Variants in TOMM70 observed in about 807,000 individuals in gnomAD.
TOMM70 encodes mitochondrial import receptor subunit TOM70.
TOMM70 carries 13 observed loss-of-function variants against 73.6 expected under a neutral mutation model. That is an observed-to-expected ratio of 0.18 (90% CI 0.11 to 0.28). TOMM70 has a LOEUF of 0.28. Among genes scored for constraint, TOMM70 ranks in the 10% least tolerant of loss-of-function variants. The pLI is 1.00. For synonymous variants in TOMM70, 257 were observed against 271.2 expected (o/e 0.95, Z 0.51); for missense variants, 609 against 747.5 (o/e 0.81, Z 2.16).
At chr3:100,368,268 TTAAC>T in intron 10 of TOMM70, 102 bp from the exon 11 acceptor site, 1 of 1,385,502 alleles carries the variant, frequency 7.2e-7, no homozygotes, top group Non-Finnish European at 9.7e-7. Context: ...AACTTATAAG[TTAAC>T]TTATAACTTA....
chr3:100,372,552 T>A, intron 9 of TOMM70, 54 bp downstream of exon 9: 1 of 1,359,950 alleles, frequency 7.4e-7, no homozygotes, highest in Non-Finnish European at 1.0e-6. Context: ...ATTTCCATAC[T>A]GAGATTTGGC....
At chr3:100,372,507 C>T in intron 9 of TOMM70, 99 bp downstream of exon 9, 1 of 966,764 alleles carries the variant, frequency 1.0e-6, no homozygotes, top group Non-Finnish European at 1.5e-6. Context: ...CACCTGCTTC[C>T]AAAGAAGCTG....
chr3:100,393,793 A>C (rs1206943399), intron 1 of TOMM70, among the ~76,000 whole-genome samples: 3 of 152,210 alleles, frequency 2.0e-5, no homozygotes, highest in Admixed American at 6.5e-5. Context: ...TAAGAAAATC[A>C]GGTTTTGCTT....
chr3:100,387,434 G>A (rs1706703998), intron 1 of TOMM70, among the ~76,000 whole-genome samples: 1 of 151,834 alleles, frequency 6.6e-6, no homozygotes, highest in South Asian at 2.1e-4. Flanking sequence ...GTGAGAGATT[G>A]GGACTCTGTC....
At chr3:100,377,515 A>AT in intron 6 of TOMM70, 190 bp downstream of exon 6, 1 of 600,278 alleles carries the variant, frequency 1.7e-6, no homozygotes, top group East Asian at 2.9e-5. Flanking sequence ...CTAAATAAAG[A>AT]TAAATATCAT....
At chr3:100,381,916 T>C (rs911928442) in intron 4 of TOMM70, 153 bp from the exon 5 acceptor site, 11 of 732,900 alleles carry the variant, frequency 1.5e-5, no homozygotes, top group Non-Finnish European at 2.0e-5. Context: ...CAAAAGACAG[T>C]GGAAAAGGTG....
chr3:100,389,897 C>T (rs576153571), intron 1 of TOMM70, among the ~76,000 whole-genome samples: 7 of 152,128 alleles, frequency 4.6e-5, no homozygotes, highest in Admixed American at 4.6e-4. Flanking sequence ...AAAAATTAGC[C>T]AGGATGGTGG....
chr3:100,375,092 G>C lies in TOMM70; in HGVS notation c.1153C>G (p.Leu385Val), dbSNP rs1559831195. Residue 385 changes from leucine to valine, a missense_variant, in exon 7 of 12, where the codon CTG becomes GTG. Physicochemically the swap from Leu to Val is conservative, Grantham distance 32 (BLOSUM62 1). Around this residue, in one of 2 missense-constraint regions of TOMM70, gnomAD observed 432 missense variants for 584.1 expected, o/e 0.74. Transcript: ENST00000284320. Reference sequence around the variant, plus strand: ...GCCATGTTAAAATCTTGAGTGGACAGCAAAGGCTGCTGCTGTTGCATGTAC... The same window carrying C: ...GCCATGTTAAAATCTTGAGTGGACACCAAAGGCTGCTGCTGTTGCATGTAC... ...SMYMQQQQPL[L>V]STQDFNMAAD... 3 of 1,609,896 alleles carry C rather than the reference G, an allele frequency of 1.9e-6. No individual in the cohort carries two copies. The highest frequency in any genetic ancestry group is 2.5e-6 in the Non-Finnish European group (3 of 1,178,444).
chr3:100,375,991 T>A (rs1342373263), intron 6 of TOMM70, among the ~76,000 whole-genome samples: 6 of 152,190 alleles, frequency 3.9e-5, no homozygotes, highest in Non-Finnish European at 8.8e-5. Flanking sequence ...ACCAGCAATG[T>A]ATGAGGGTTC....
intron 4 of TOMM70, among the ~76,000 whole-genome samples, chr3:100,383,524 A>C (rs1271382041): frequency 3.9e-5 from 4 of 102,998 alleles, no homozygotes; most frequent in African/African-American, 3.0e-4. Flanking sequence ...AAAACAAACA[A>C]AAAAAAAAAA....
intron 4 of TOMM70, among the ~76,000 whole-genome samples, chr3:100,383,639 T>C (rs570679756): frequency 6.6e-6 from 1 of 152,158 alleles, no homozygotes; most frequent in Admixed American, 6.5e-5. Flanking sequence ...GTGAAGAAAC[T>C]TGTTGTAACT....
intron 11 of TOMM70, 73 bp downstream of exon 11, chr3:100,367,971 T>C (rs1706464526): frequency 6.9e-7 from 1 of 1,446,692 alleles, no homozygotes; most frequent in Non-Finnish European, 9.4e-7. Context: ...GACTTTAACA[T>C]GTACGTAATA....
rs1483074388 is a variant in TOMM70 at position 100,387,593 on chromosome 3, GACACAGACACACACAC to G, written c.325-631_325-616del. On this transcript the variant is annotated intron_variant, in intron 1 of 11. Coordinates refer to ENST00000284320, the MANE Select transcript of TOMM70 (RefSeq NM_014820.5). ...CGTCCAGCTAAAAGACACAGACACA[GACACAGACACACACAC>G]ACACACACACACACACACACACACA... Among the ~76,000 whole-genome samples the G allele has an allele frequency of 7.5e-3, 742 of 98,694 alleles. 6 individuals are homozygous for G. Among genetic ancestry groups the G allele is most frequent in the African/African-American group, 0.037 (687 of 18,560 alleles). 64.7% of individuals were successfully genotyped at this position (98,694 alleles called of 152,430 possible). A position where few individuals can be genotyped will look rare whatever the true frequency, so the allele number is the denominator to read the frequency against.
chr3:100,395,315 G>C (rs974337008), intron 1 of TOMM70, among the ~76,000 whole-genome samples: 10 of 152,130 alleles, frequency 6.6e-5, no homozygotes, highest in African/African-American at 2.4e-4. Context: ...GTTGCAGTAA[G>C]CCGAGATTGC....
intron 1 of TOMM70, among the ~76,000 whole-genome samples, chr3:100,396,655 A>C (rs754682821): frequency 6.6e-6 from 1 of 151,894 alleles, no homozygotes; most frequent in Non-Finnish European, 1.5e-5. Context: ...GCAATTTAAA[A>C]TTTTTTTTTA....
intron 10 of TOMM70, among the ~76,000 whole-genome samples, chr3:100,368,835 C>T (rs535137601): frequency 1.5e-4 from 23 of 152,276 alleles, no homozygotes; most frequent in African/African-American, 5.5e-4. Flanking sequence ...CTCGGCCTCC[C>T]AAAGTACTAG....
At chr3:100,387,011 A>AT in intron 1 of TOMM70, 33 bp from the exon 2 acceptor site, 1 of 1,603,144 alleles carries the variant, frequency 6.2e-7, no homozygotes, top group Non-Finnish European at 8.5e-7. Context: ...TCAAACACTA[A>AT]TCAACATTCA....
Position 100,364,038 on chromosome 3 carries a change from T to C in TOMM70, c.*1526A>G, listed in dbSNP as rs1706421860. ...CCAACAGTGTAAACCATAATTATAA[T>C]TCGTTCTTAAATAAACCTCTCCCCA... On this transcript the variant is annotated 3_prime_UTR_variant, in exon 12 of 12. Coordinates refer to ENST00000284320, the MANE Select transcript of TOMM70 (RefSeq NM_014820.5). The C allele has an allele frequency of 1.3e-5, 2 of 152,180 alleles. No individual in the cohort carries two copies. Among genetic ancestry groups the C allele is most frequent in the African/African-American group, 4.8e-5 (2 of 41,430 alleles). 9.4% of individuals were successfully genotyped at this position (152,180 alleles called of 1,614,324 possible).
chr3:100,387,135 G>C (rs913407898), intron 1 of TOMM70, among the ~76,000 whole-genome samples, 157 bp from the exon 2 acceptor site: 1 of 152,186 alleles, frequency 6.6e-6, no homozygotes, highest in African/African-American at 2.4e-5. Context: ...ATTCTAACTA[G>C]TAGGATTGTT....
Sources: gnomAD v4.1 joint callset for allele counts (sites outside exome capture counted in the v4.1 genomes callset) on GRCh38, gnomAD v4.1.1 for gene constraint, gnomAD v4.1.1 regional missense constraint, MANE v1.5 for transcripts, NCBI Gene and HGNC (gene_info 2026-07-23, HGNC 2026-07-21) for gene names.